SGCZ: variants seen among roughly 807,000 people sequenced by gnomAD.
SGCZ encodes zeta-sarcoglycan.
SGCZ carries 40 observed loss-of-function variants against 41.3 expected under a neutral mutation model. The ratio of observed to expected loss-of-function variants is 0.97; its 90% CI spans 0.75 to 1.26. The LOEUF (loss-of-function observed/expected upper bound fraction) is 1.26. Ranked by LOEUF, SGCZ falls within the 50% of genes most tolerant of loss-of-function variation. SGCZ has a pLI of 0.00. For missense variants in SGCZ, 552 were observed against 369.8 expected (o/e 1.49, Z -4.04); for synonymous variants, 206 against 137.5 (o/e 1.50, Z -3.49).
chr8:14,865,723 C>A (rs186345560), intron 1 of SGCZ, among the ~76,000 whole-genome samples: 26 of 152,198 alleles, frequency 1.7e-4, no homozygotes, highest in Admixed American at 1.5e-3. Context: ...ACAGGATAAA[C>A]TTCTAAAAGG....
At chr8:14,509,970 C>A (rs563767904) in intron 2 of SGCZ, among the ~76,000 whole-genome samples, 1 of 152,178 alleles carries the variant, frequency 6.6e-6, no homozygotes, top group African/African-American at 2.4e-5. Context: ...CAGGTGAGGA[C>A]TATGGGTCCC....
At chr8:14,135,992 C>T (rs1164809616) in intron 5 of SGCZ, among the ~76,000 whole-genome samples, 1 of 152,160 alleles carries the variant, frequency 6.6e-6, no homozygotes, top group Non-Finnish European at 1.5e-5. Context: ...GTAGTACCCT[C>T]ATACCCAAAC....
intron 1 of SGCZ, among the ~76,000 whole-genome samples, chr8:15,159,740 ACCCTCCCCCC>A (rs1472220633): frequency 3.4e-4 from 2 of 5,870 alleles, no homozygotes; most frequent in African/African-American, 7.0e-4. Context: ...CGCCCCCCCC[ACCCTCCCCCC>A]CACCCCCGCC....
chr8:14,669,267 G>C (rs1808017980), intron 1 of SGCZ, among the ~76,000 whole-genome samples: 1 of 151,656 alleles, frequency 6.6e-6, no homozygotes, highest in African/African-American at 2.4e-5. Flanking sequence ...TGAGAGGCAG[G>C]AGGATCGCTT....
At chr8:14,363,653 T>A (rs949131574) in intron 2 of SGCZ, among the ~76,000 whole-genome samples, 4 of 152,138 alleles carry the variant, frequency 2.6e-5, no homozygotes, top group African/African-American at 9.7e-5. Flanking sequence ...GAGCATTCAA[T>A]CCTTTATTCA....
At position 14,481,398 on chromosome 8, in the gene SGCZ, T is replaced by C. The variant is rs117844031; in HGVS notation, c.234+73334A>G. On this transcript the variant is annotated intron_variant, in intron 2 of 7. Coordinates refer to ENST00000382080, the MANE Select transcript of SGCZ (RefSeq NM_139167.4). ...CTGCCTCACAATCAATGGGGATTACTCAATTCACTAATAAGGAATGCATGC... is the reference window on the plus strand; with the variant it reads ...CTGCCTCACAATCAATGGGGATTACCCAATTCACTAATAAGGAATGCATGC... Among the ~76,000 whole-genome samples the C allele has an allele frequency of 2.2e-3, 339 of 152,306 alleles. 5 individuals carry two copies. The East Asian group carries it at 0.043, about 19-fold the overall frequency.
intron 1 of SGCZ, among the ~76,000 whole-genome samples, chr8:14,728,018 T>G (rs1479625860): frequency 6.6e-6 from 1 of 152,110 alleles, no homozygotes; most frequent in African/African-American, 2.4e-5. Context: ...ACTTGATGCG[T>G]CCATTTATAT....
At chr8:14,746,893 T>A (rs1162055199) in intron 1 of SGCZ, among the ~76,000 whole-genome samples, 1 of 152,230 alleles carries the variant, frequency 6.6e-6, no homozygotes, top group Non-Finnish European at 1.5e-5. Flanking sequence ...TCCTACTTTA[T>A]TGATTCCAAT....
At chr8:14,652,217 T>A (rs143713422) in intron 1 of SGCZ, among the ~76,000 whole-genome samples, 4 of 151,344 alleles carry the variant, frequency 2.6e-5, no homozygotes, top group African/African-American at 9.7e-5. Flanking sequence ...GGCGAATGCA[T>A]GTAATCCCAG....
Position 14,358,907 on chromosome 8 carries a change from C to T in SGCZ, c.235-34703G>A, listed in dbSNP as rs1250232472. 3.9e-5 allele frequency among the ~76,000 whole-genome samples: 6 copies of T among 152,056 alleles called. No individual in the cohort carries two copies. The South Asian group carries it at 1.0e-3, about 26-fold the overall frequency. ...TACAGACGTGAGCCACTGCACCTGG[C>T]CAGGTATAGTATTCTTTAAGGGCAA... On this transcript the variant is annotated intron_variant, in intron 2 of 7. Transcript: ENST00000382080.
rs147753182 is a variant in SGCZ at position 14,425,570 on chromosome 8, A to C, written c.235-101366T>G. On this transcript the variant is annotated intron_variant, in intron 2 of 7. Coordinates refer to ENST00000382080, the MANE Select transcript of SGCZ (RefSeq NM_139167.4). The stretch of plus-strand genomic sequence containing the variant: ...CACGAGGCAGACGTTGCAGTGAGCC[A>C]AGATCGCGCCACTGCTCTCCAGCCT... Among the ~76,000 whole-genome samples, 271 of 152,140 alleles carry C rather than the reference A, an allele frequency of 1.8e-3. 9 individuals carry two copies. The East Asian group carries it at 0.046, about 26-fold the overall frequency.
At chr8:14,455,994 C>T (rs1050916902) in intron 2 of SGCZ, among the ~76,000 whole-genome samples, 3 of 152,064 alleles carry the variant, frequency 2.0e-5, no homozygotes, top group African/African-American at 7.2e-5. Context: ...GGAGGGGATG[C>T]GGAGTGACTG....
At chr8:14,910,999 A>G (rs1378352578) in intron 1 of SGCZ, among the ~76,000 whole-genome samples, 1 of 152,000 alleles carries the variant, frequency 6.6e-6, no homozygotes, top group Non-Finnish European at 1.5e-5. Context: ...TCATTTTTTC[A>G]CGAATAATAC....
At chr8:14,204,128 C>T (rs996497469) in intron 4 of SGCZ, among the ~76,000 whole-genome samples, 6 of 151,982 alleles carry the variant, frequency 3.9e-5, no homozygotes, top group African/African-American at 9.7e-5. Flanking sequence ...GGACCGTCTT[C>T]GGCAAATTTT....
intron 1 of SGCZ, among the ~76,000 whole-genome samples, chr8:15,105,824 T>A (rs1806803747): frequency 6.8e-6 from 1 of 147,822 alleles, no homozygotes; most frequent in Non-Finnish European, 1.5e-5. Context: ...AGTGCTGTTA[T>A]TTTTTTCAAA....
At chr8:14,640,726 G>C (rs1328353287) in intron 1 of SGCZ, among the ~76,000 whole-genome samples, 1 of 151,310 alleles carries the variant, frequency 6.6e-6, no homozygotes, top group African/African-American at 2.4e-5. Context: ...ATTTCCTAAA[G>C]CTAAAAGATA....
At chr8:15,164,433 G>C (rs752208614) in intron 1 of SGCZ, among the ~76,000 whole-genome samples, 2 of 152,208 alleles carry the variant, frequency 1.3e-5, no homozygotes, top group South Asian at 2.1e-4. Context: ...ATGGTCCACG[G>C]GTTTGGGAGC....
chr8:15,179,847 C>T (rs538448590), intron 1 of SGCZ, among the ~76,000 whole-genome samples: 1 of 152,040 alleles, frequency 6.6e-6, no homozygotes, highest in Non-Finnish European at 1.5e-5. Flanking sequence ...TTTTCTCAAA[C>T]AGAATAACAA....
In SGCZ at chr8:14,175,016, G is replaced by A. The variant is rs115758891; in HGVS notation, c.425-10314C>T. ...TCATTTTAACTTGGATATTTTTATT[G>A]CCAAATAAGAACCTATACCAAAATA... On this transcript the variant is annotated intron_variant, in intron 4 of 7. Coordinates refer to ENST00000382080, the MANE Select transcript of SGCZ (RefSeq NM_139167.4). Among the ~76,000 whole-genome samples the A allele has an allele frequency of 4.3e-3, 652 of 152,118 alleles. 6 individuals carry two copies. Among genetic ancestry groups the A allele is most frequent in the African/African-American group, 0.015 (602 of 41,514 alleles).
Sources: gnomAD v4.1 joint callset for allele counts (sites outside exome capture counted in the v4.1 genomes callset) on GRCh38, gnomAD v4.1.1 for gene constraint, MANE v1.5 for transcripts, NCBI Gene and HGNC (gene_info 2026-07-23, HGNC 2026-07-21) for gene names.